The following PCDH15 variants were observed in gnomAD, a reference collection of about 807,000 sequenced individuals.
PCDH15 encodes the protein protocadherin-15.
A neutral mutation model predicts 178.5 loss-of-function variants in PCDH15; 129 were observed. The observed-to-expected ratio is 0.72, with a 90% CI of 0.63 to 0.84. PCDH15 has a LOEUF of 0.84. Among genes scored for constraint, PCDH15 ranks in the 40% least tolerant of loss-of-function variants. The pLI is 0.00. For synonymous variants in PCDH15, 800 were observed against 732.0 expected (o/e 1.09, Z -1.50); for missense variants, 2,230 against 2,099.9 (o/e 1.06, Z -1.21).
intron 18 of PCDH15, among the ~76,000 whole-genome samples, chr10:54,029,779 A>G (rs1462000233): frequency 6.6e-6 from 1 of 152,044 alleles, no homozygotes; most frequent in Admixed American, 6.6e-5. Flanking sequence ...TTTTTTTCTC[A>G]TTATCTTCTT....
At chr10:53,909,102 G>A (rs983340219) in intron 25 of PCDH15, among the ~76,000 whole-genome samples, 1 of 152,170 alleles carries the variant, frequency 6.6e-6, no homozygotes, top group Admixed American at 6.5e-5. Context: ...CCTGGTGGGA[G>A]GTGATCAGAT....
intron 3 of PCDH15, among the ~76,000 whole-genome samples, chr10:54,879,539 A>G (rs1954221860): frequency 6.6e-6 from 1 of 151,988 alleles, no homozygotes; most frequent in African/African-American, 2.4e-5. Flanking sequence ...TCAGACAATA[A>G]TAACACATTT....
At chr10:54,659,102 C>T (rs1269217000) in intron 2 of PCDH15, among the ~76,000 whole-genome samples, 1 of 151,988 alleles carries the variant, frequency 6.6e-6, no homozygotes, top group African/African-American at 2.4e-5. Flanking sequence ...CACCATAGCA[C>T]CCAGATTAAT....
At position 55,121,110 on chromosome 10, in the gene PCDH15, G is replaced by A. The variant is rs149903452; in HGVS notation, c.-80+45466C>T. 8.2e-3 allele frequency among the ~76,000 whole-genome samples: 1,246 copies of A among 152,230 alleles called. 15 individuals carry two copies. Among genetic ancestry groups the A allele is most frequent in the African/African-American group, 0.027 (1,123 of 41,558 alleles). ...TGAGAGCTGCTGTGTAGGCTGCACC[G>A]AACTCATGGGGATGCGGTGCTTTAG... On this transcript the variant is annotated intron_variant, in intron 2 of 5. Transcript: ENST00000458638.
At chr10:54,669,834 C>G (rs973370243) in intron 1 of PCDH15, among the ~76,000 whole-genome samples, 2 of 151,616 alleles carry the variant, frequency 1.3e-5, no homozygotes, top group African/African-American at 4.9e-5. Flanking sequence ...GCATAGATAA[C>G]TCGAGATCAG....
intron 3 of PCDH15, among the ~76,000 whole-genome samples, chr10:54,490,713 A>G (rs1311832987): frequency 6.6e-6 from 1 of 152,142 alleles, no homozygotes; most frequent in East Asian, 1.9e-4. Flanking sequence ...TTCATCAAAA[A>G]TATCAATGAC....
intron 3 of PCDH15, among the ~76,000 whole-genome samples, chr10:54,446,422 A>G (rs564728119): frequency 6.6e-6 from 1 of 151,730 alleles, no homozygotes; most frequent in East Asian, 1.9e-4. Flanking sequence ...AACTTTCAAG[A>G]TCATATCAAA....
intron 2 of PCDH15, among the ~76,000 whole-genome samples, chr10:55,372,742 C>A (rs1407796234): frequency 1.3e-5 from 2 of 152,100 alleles, no homozygotes; most frequent in Non-Finnish European, 2.9e-5. Flanking sequence ...ATCACCAGGG[C>A]CTCTTATGAA....
intron 2 of PCDH15, among the ~76,000 whole-genome samples, chr10:55,537,407 G>A (rs905280258): frequency 7.1e-6 from 1 of 140,864 alleles, no homozygotes; most frequent in South Asian, 2.3e-4. Context: ...TTTTATTTAT[G>A]TATTTATGTA....
chr10:55,014,878 C>T lies in PCDH15; in HGVS notation c.-79-117378G>A, dbSNP rs934733718. On this transcript the variant is annotated intron_variant, in intron 2 of 5. Coordinates refer to the PCDH15 transcript ENST00000458638. The stretch of plus-strand genomic sequence containing the variant: ...AGAAATACTTAAAACTATTGTGTCG[C>T]CATGTCCTCAGTTCCACAGTGTCAG... 3.9e-5 allele frequency among the ~76,000 whole-genome samples: 6 copies of T among 152,078 alleles called. No individual in the cohort carries two copies. In the East Asian group the frequency reaches 9.7e-4, roughly 24 times the overall value.
intron 2 of PCDH15, among the ~76,000 whole-genome samples, chr10:54,908,014 C>G (rs1278467671): frequency 6.6e-6 from 1 of 152,142 alleles, no homozygotes; most frequent in Non-Finnish European, 1.5e-5. Context: ...TTTTCAGAAA[C>G]ACACAGGCTA....
At chr10:55,610,631 T>C (rs978513830) in intron 2 of PCDH15, among the ~76,000 whole-genome samples, 4 of 152,128 alleles carry the variant, frequency 2.6e-5, no homozygotes, top group Non-Finnish European at 4.4e-5. Context: ...CTGTTTTATA[T>C]ACTTAAGAGC....
chr10:54,042,412 G>C (rs865804209), intron 18 of PCDH15, among the ~76,000 whole-genome samples: 31 of 152,200 alleles, frequency 2.0e-4, no homozygotes, highest in Middle Eastern at 6.8e-3. Flanking sequence ...AAAGGGAAAG[G>C]GGGTATACTT....
chr10:54,248,320 G>A (rs753474745), intron 8 of PCDH15, among the ~76,000 whole-genome samples: 105 of 152,028 alleles, frequency 6.9e-4, no homozygotes, highest in Non-Finnish European at 1.3e-3. Context: ...AAATAAGATA[G>A]TCTGCCAGAG....
intron 3 of PCDH15, among the ~76,000 whole-genome samples, chr10:54,517,157 G>A (rs528652211): frequency 9.2e-4 from 140 of 152,212 alleles, no homozygotes; most frequent in African/African-American, 3.2e-3. Flanking sequence ...ATGAACTAAC[G>A]AGCAAAATAA....
chr10:55,338,639 G>A (rs1844464601), intron 2 of PCDH15, among the ~76,000 whole-genome samples: 1 of 152,018 alleles, frequency 6.6e-6, no homozygotes, highest in Non-Finnish European at 1.5e-5. Flanking sequence ...GTGGTGGGGT[G>A]CACTTGTAAT....
chr10:54,172,716 C>T (rs1404438660), intron 13 of PCDH15, among the ~76,000 whole-genome samples: 1 of 151,756 alleles, frequency 6.6e-6, no homozygotes, highest in African/African-American at 2.4e-5. Flanking sequence ...TATATAGAAC[C>T]ATAAGTATGA....
At chr10:54,293,053 C>T (rs751179635) in intron 8 of PCDH15, among the ~76,000 whole-genome samples, 1 of 152,114 alleles carries the variant, frequency 6.6e-6, no homozygotes, top group Non-Finnish European at 1.5e-5. Flanking sequence ...ATCATGTAAC[C>T]TGACTTCAAA....
At chr10:55,171,505 C>T (rs537001953) in intron 1 of PCDH15, among the ~76,000 whole-genome samples, 4 of 151,274 alleles carry the variant, frequency 2.6e-5, no homozygotes, top group South Asian at 2.1e-4. Context: ...TTTTAGGCCA[C>T]GATAATATAA....
Sources: allele counts gnomAD v4.1 joint callset (sites outside exome capture counted in the v4.1 genomes callset), GRCh38; gene constraint gnomAD v4.1.1; transcripts MANE v1.5; gene names NCBI Gene and HGNC (gene_info 2026-07-23, HGNC 2026-07-21).